VWC2L: variants seen among roughly 807,000 people sequenced by gnomAD.
VWC2L encodes the protein von Willebrand factor C domain-containing protein 2-like.
A neutral mutation model predicts 21.6 loss-of-function variants in VWC2L; 10 were observed. That is an observed-to-expected ratio of 0.46 (90% CI 0.29 to 0.78). VWC2L has a LOEUF of 0.78. Ranked by LOEUF, VWC2L falls within the 30% of genes least tolerant of loss-of-function variation. The pLI is 0.10. For synonymous variants in VWC2L, 96 were observed against 94.3 expected (o/e 1.02, Z -0.10); for missense variants, 209 against 277.1 (o/e 0.75, Z 1.74).
Position 214,483,744 on chromosome 2 carries a change from TG to T in VWC2L, c.520+46987del, listed in dbSNP as rs575779913. On this transcript the variant is annotated intron_variant, in intron 3 of 3. Coordinates refer to ENST00000312504, the MANE Select transcript of VWC2L (RefSeq NM_001080500.4). ...AAATGCTGCCATTCACGTTTGAGAA[TG>T]AGACTCTTAACCTGCTGGCAGAGGT... Among the ~76,000 whole-genome samples, 17 of 152,240 alleles carry T rather than the reference TG, an allele frequency of 1.1e-4. 1 individual carries two copies. In the South Asian group the frequency reaches 3.5e-3, roughly 32 times the overall value.
rs1690239451 is a variant in VWC2L at position 214,576,961 on chromosome 2, T to G, written c.*1141T>G. 1 of 152,144 alleles carries G rather than the reference T, an allele frequency of 6.6e-6. No individual in the cohort carries two copies. The allele number at this position is 152,144 out of a possible 1,614,324, so 9.4% of individuals were successfully genotyped here. The stretch of plus-strand genomic sequence containing the variant: ...CAATACAATTCCATTTGTTGAACAT[T>G]TTTTAAAATGTATATATTAGATACT... On this transcript the variant is annotated 3_prime_UTR_variant, in exon 4 of 4. Coordinates refer to ENST00000312504, the MANE Select transcript of VWC2L (RefSeq NM_001080500.4).
chr2:214,574,959 T>A (rs112244567), intron 3 of VWC2L, among the ~76,000 whole-genome samples: 1 of 143,654 alleles, frequency 7.0e-6, no homozygotes, highest in African/African-American at 2.6e-5. Flanking sequence ...ACATTTTCAA[T>A]AAGGCTTTTG....
rs532032443 is a variant in VWC2L at position 214,503,721 on chromosome 2, C to A, written c.520+66963C>A. On this transcript the variant is annotated intron_variant, in intron 3 of 3. Coordinates refer to ENST00000312504, the MANE Select transcript of VWC2L (RefSeq NM_001080500.4). The stretch of plus-strand genomic sequence containing the variant: ...CAGAATAAAACTAAAAAAGTGAAAC[C>A]AGAAATGAGAAAAAAAAAAAAACAG... Among the ~76,000 whole-genome samples, 1,001 of 122,638 alleles carry A rather than the reference C, an allele frequency of 8.2e-3. 10 individuals are homozygous for A. The highest frequency in any genetic ancestry group is 0.027 in the African/African-American group (950 of 35,190). 80.5% of individuals were successfully genotyped at this position (122,638 alleles called of 152,430 possible). A position where few individuals can be genotyped will look rare whatever the true frequency, so the allele number is the denominator to read the frequency against.
In VWC2L at chr2:214,578,518, A is replaced by AT. The variant is rs1194772062; in HGVS notation, c.*2703dup. On this transcript the variant is annotated 3_prime_UTR_variant, in exon 4 of 4. Coordinates refer to ENST00000312504, the MANE Select transcript of VWC2L (RefSeq NM_001080500.4). ...TCCTTTAAGATTTTGTAGCACTGAC[A>AT]TTTTTCCCCCTTTAGGGAGAGATGA... The AT allele has an allele frequency of 6.6e-6, 1 of 152,074 alleles. No individual in the cohort carries two copies. Among genetic ancestry groups the AT allele is most frequent in the Admixed American group, 6.6e-5 (1 of 15,256 alleles). 9.4% of individuals were successfully genotyped at this position (152,074 alleles called of 1,614,324 possible).
chr2:214,504,169 G>A (rs535946263), intron 3 of VWC2L, among the ~76,000 whole-genome samples: 5 of 152,190 alleles, frequency 3.3e-5, no homozygotes, highest in Admixed American at 2.0e-4. Flanking sequence ...AAAATAGAAA[G>A]GTTCTTTACT....
chr2:214,532,504 C>A (rs1027655270), intron 3 of VWC2L, among the ~76,000 whole-genome samples: 1 of 152,002 alleles, frequency 6.6e-6, no homozygotes, highest in Non-Finnish European at 1.5e-5. Context: ...CGATATAATC[C>A]TTTTATGATT....
intron 3 of VWC2L, among the ~76,000 whole-genome samples, chr2:214,454,990 T>G (rs926831359): frequency 6.6e-6 from 1 of 152,138 alleles, no homozygotes; most frequent in African/African-American, 2.4e-5. Context: ...TGCAAAAAAT[T>G]TTTTAAAAAT....
chr2:214,523,816 C>T (rs184002051), intron 3 of VWC2L, among the ~76,000 whole-genome samples: 2 of 152,250 alleles, frequency 1.3e-5, no homozygotes, highest in Admixed American at 1.3e-4. Flanking sequence ...GCCTGGGTGA[C>T]AAAGCAAGAC....
At chr2:214,573,381 A>G (rs1282228858) in intron 3 of VWC2L, among the ~76,000 whole-genome samples, 1 of 152,122 alleles carries the variant, frequency 6.6e-6, no homozygotes, top group African/African-American at 2.4e-5. Context: ...TTCTTTTAAA[A>G]CCACTATTTA....
chr2:214,572,596 T>A (rs1690165813), intron 3 of VWC2L, among the ~76,000 whole-genome samples: 1 of 152,224 alleles, frequency 6.6e-6, no homozygotes, highest in Non-Finnish European at 1.5e-5. Context: ...TGGGCTTTCA[T>A]ATGCTCAAAT....
At position 214,434,374 on chromosome 2, in the gene VWC2L, G is replaced by A. The variant is rs186456687; in HGVS notation, c.391-2255G>A. On this transcript the variant is annotated intron_variant, in intron 2 of 3. Coordinates refer to ENST00000312504, the MANE Select transcript of VWC2L (RefSeq NM_001080500.4). Reference sequence around the variant, plus strand: ...GTGGCAACCTAACTTTGGCAACTACGGTTTTCTAACTCACATTTGTAGAAA... The same window carrying A: ...GTGGCAACCTAACTTTGGCAACTACAGTTTTCTAACTCACATTTGTAGAAA... Among the ~76,000 whole-genome samples the A allele has an allele frequency of 2.0e-4, 30 of 152,126 alleles. No individual in the cohort carries two copies. In the East Asian group the frequency reaches 3.5e-3, roughly 18 times the overall value.
chr2:214,471,198 G>A (rs1427357930), intron 3 of VWC2L, among the ~76,000 whole-genome samples: 1 of 152,106 alleles, frequency 6.6e-6, no homozygotes, highest in African/African-American at 2.4e-5. Flanking sequence ...CCTGGAGTTG[G>A]AAGAAGAAAA....
At chr2:214,432,886 G>T (rs535259275) in intron 2 of VWC2L, among the ~76,000 whole-genome samples, 5 of 152,132 alleles carry the variant, frequency 3.3e-5, no homozygotes, top group African/African-American at 9.6e-5. Flanking sequence ...GCCAGGCATG[G>T]TGGCATGCAC....
intron 3 of VWC2L, among the ~76,000 whole-genome samples, chr2:214,472,564 CATG>C: frequency 6.6e-6 from 1 of 152,256 alleles, no homozygotes; most frequent in Non-Finnish European, 1.5e-5. Context: ...TCAACTCATA[CATG>C]ATAAGAACCA....
At chr2:214,457,667 C>A (rs1472797345) in intron 3 of VWC2L, among the ~76,000 whole-genome samples, 4 of 151,942 alleles carry the variant, frequency 2.6e-5, no homozygotes, top group Admixed American at 2.6e-4. Flanking sequence ...ATGTTCCAAG[C>A]CCAGTGTTTT....
chr2:214,538,967 T>C (rs74813110), intron 3 of VWC2L, among the ~76,000 whole-genome samples: 1 of 152,286 alleles, frequency 6.6e-6, no homozygotes, highest in African/African-American at 2.4e-5. Context: ...TCATAATTTC[T>C]AAAATGAGCA....
chr2:214,483,455 T>G (rs531512968), intron 3 of VWC2L, among the ~76,000 whole-genome samples: 66 of 152,104 alleles, frequency 4.3e-4, no homozygotes, highest in African/African-American at 1.5e-3. Context: ...AAAACTGCAG[T>G]GTGACAGTCA....
At chr2:214,494,649 T>G (rs553605404) in intron 3 of VWC2L, among the ~76,000 whole-genome samples, 1 of 152,282 alleles carries the variant, frequency 6.6e-6, no homozygotes, top group Admixed American at 6.5e-5. Flanking sequence ...TTCCCAGACG[T>G]TCTTAAAGGC....
At chr2:214,552,173 T>G (rs990728014) in intron 3 of VWC2L, among the ~76,000 whole-genome samples, 1 of 152,214 alleles carries the variant, frequency 6.6e-6, no homozygotes, top group African/African-American at 2.4e-5. Context: ...AGAACTTCTT[T>G]TCCTAACCTG....
Sources: allele counts gnomAD v4.1 joint callset (sites outside exome capture counted in the v4.1 genomes callset), GRCh38; gene constraint gnomAD v4.1.1; transcripts MANE v1.5; gene names NCBI Gene and HGNC (gene_info 2026-07-23, HGNC 2026-07-21).